The following SRFBP1 variants were observed in gnomAD, a reference collection of about 807,000 sequenced individuals.
The protein encoded by SRFBP1 is serum response factor-binding protein 1.
Under a neutral mutation model 45.5 loss-of-function variants are expected in SRFBP1, and 47 were observed. The ratio of observed to expected loss-of-function variants is 1.03; its 90% CI spans 0.82 to 1.32. SRFBP1 has a LOEUF of 1.32. Ranked by LOEUF, SRFBP1 falls within the 40% of genes most tolerant of loss-of-function variation. SRFBP1 has a pLI of 0.00. For missense variants in SRFBP1, 621 were observed against 484.6 expected, an observed-to-expected ratio of 1.28 and a Z score of -2.64; for synonymous variants, 203 against 166.3, an observed-to-expected ratio of 1.22 and a Z score of -1.70.
chr5:122,025,055 C>T (rs968292625), intron 7 of SRFBP1, among the ~76,000 whole-genome samples: 1 of 152,100 alleles, frequency 6.6e-6, no homozygotes, highest in African/African-American at 2.4e-5. Context: ...TGGTGTGCTG[C>T]ACCCATTAAC....
intron 1 of SRFBP1, among the ~76,000 whole-genome samples, chr5:121,969,013 A>G (rs986601880): frequency 6.6e-6 from 1 of 152,186 alleles, no homozygotes; most frequent in Non-Finnish European, 1.5e-5. Flanking sequence ...TGGTTGGCCA[A>G]CTATCACATA....
At chr5:122,054,848 A>G (rs1054335768) in intron 2 of SRFBP1, among the ~76,000 whole-genome samples, 2 of 152,172 alleles carry the variant, frequency 1.3e-5, no homozygotes, top group Non-Finnish European at 2.9e-5. Context: ...AATAGAACAC[A>G]CCTTTTCATT....
chr5:122,013,756 A>G (rs1753141323), intron 4 of SRFBP1, among the ~76,000 whole-genome samples: 1 of 152,164 alleles, frequency 6.6e-6, no homozygotes. Flanking sequence ...TCTGCATGGG[A>G]AAACTGCCTA....
chr5:121,995,517 G>A (rs992571274), intron 4 of SRFBP1, among the ~76,000 whole-genome samples: 1 of 152,076 alleles, frequency 6.6e-6, no homozygotes, highest in East Asian at 1.9e-4. Context: ...TCAAAGCAGT[G>A]TGTAGAGGGA....
At chr5:121,962,650 A>C (rs1286662924) in intron 1 of SRFBP1, among the ~76,000 whole-genome samples, 1 of 152,172 alleles carries the variant, frequency 6.6e-6, no homozygotes, top group Non-Finnish European at 1.5e-5. Context: ...CTGCTTTTTC[A>C]GTCCATTCTC....
chr5:122,075,634 A>C, downstream of SRFBP1: 1 of 797,636 alleles, frequency 1.3e-6, no homozygotes, highest in South Asian at 2.6e-5. Flanking sequence ...AGTAGTGACA[A>C]TCCTCCTTTC....
At chr5:122,032,564 A>G (rs1054152396), downstream of SRFBP1, among the ~76,000 whole-genome samples, 9 of 152,192 alleles carry the variant, frequency 5.9e-5, no homozygotes, top group African/African-American at 2.2e-4. Context: ...TTCATTTAAA[A>G]TATATCCTGG....
At chr5:121,989,361 C>G (rs999642700) in intron 3 of SRFBP1, among the ~76,000 whole-genome samples, 7 of 152,112 alleles carry the variant, frequency 4.6e-5, no homozygotes, top group Non-Finnish European at 1.0e-4. Flanking sequence ...CCACCGAGCC[C>G]TGCCTGGAAT....
chr5:122,011,084 A>G lies in SRFBP1; in HGVS notation c.271-8176A>G, dbSNP rs566225201. Among the ~76,000 whole-genome samples, 38 of 152,294 alleles carry G rather than the reference A, an allele frequency of 2.5e-4. 1 individual carries two copies. In the East Asian group the frequency reaches 5.8e-3, roughly 23 times the overall value. Reference sequence around the variant, plus strand: ...GGATTTATGTCATCAGATAAAATCTATAATTGAAATTAAGTCCATCTGATA... The same window carrying G: ...GGATTTATGTCATCAGATAAAATCTGTAATTGAAATTAAGTCCATCTGATA... On this transcript the variant is annotated intron_variant, in intron 4 of 7. Transcript: ENST00000339397.
At chr5:122,015,402 A>T (rs1401666463) in intron 4 of SRFBP1, among the ~76,000 whole-genome samples, 2 of 152,156 alleles carry the variant, frequency 1.3e-5, no homozygotes, top group African/African-American at 4.8e-5. Context: ...CCTACTACAC[A>T]GTTTTTTCTT....
At position 122,027,326 on chromosome 5, in the gene SRFBP1, C is replaced by A; in HGVS notation, c.*200C>A. Reference sequence around the variant, plus strand: ...CAGGTGCATGCACTACCATGCCCAGCTTTCTCACCCCAGGCTCTGCAGCTA... The same window carrying A: ...CAGGTGCATGCACTACCATGCCCAGATTTCTCACCCCAGGCTCTGCAGCTA... On this transcript the variant is annotated 3_prime_UTR_variant, in exon 8 of 8. Transcript: ENST00000339397. The A allele has an allele frequency of 2.6e-6, 1 of 381,350 alleles. No homozygotes were observed. Among genetic ancestry groups the A allele is most frequent in the Non-Finnish European group, 4.7e-6 (1 of 212,340 alleles). 23.6% of individuals were successfully genotyped at this position (381,350 alleles called of 1,614,324 possible).
chr5:122,076,187 G>A (rs1049120855), downstream of SRFBP1: 2 of 152,208 alleles, frequency 1.3e-5, no homozygotes, highest in African/African-American at 4.8e-5. Context: ...CAAAGTGGAA[G>A]AAATGTACAA....
chr5:121,979,159 A>G (rs1409126645), intron 3 of SRFBP1, among the ~76,000 whole-genome samples: 1 of 152,240 alleles, frequency 6.6e-6, no homozygotes, highest in African/African-American at 2.4e-5. Context: ...TCAAAATAAT[A>G]TAATAACTAT....
rs1352260093 is a variant in SRFBP1 at position 121,961,977 on chromosome 5, G to A, written c.-56G>A. The A allele has an allele frequency of 1.2e-6, 2 of 1,611,910 alleles. No individual in the cohort carries two copies. The highest frequency in any genetic ancestry group is 2.2e-5 in the East Asian group (1 of 44,832). ...TTGAGGGGCGTGGCGACGCAGCCGC[G>A]GTCTGAGAGACCGGTTCACGTGCAG... On this transcript the variant is annotated 5_prime_UTR_variant, in exon 1 of 8. Transcript: ENST00000339397.
intron 3 of SRFBP1, among the ~76,000 whole-genome samples, chr5:121,975,788 A>G (rs796783813): frequency 2.0e-5 from 3 of 152,088 alleles, no homozygotes; most frequent in Admixed American, 6.6e-5. Flanking sequence ...TGCCAGCTCA[A>G]TAAATTTTTA....
intron 2 of SRFBP1, among the ~76,000 whole-genome samples, chr5:122,055,070 C>T (rs1754056672): frequency 6.6e-6 from 1 of 152,166 alleles, no homozygotes; most frequent in Admixed American, 6.5e-5. Context: ...TATCAAAATA[C>T]CATAGACTGA....
chr5:122,015,857 G>C (rs928041249), intron 4 of SRFBP1, among the ~76,000 whole-genome samples: 1 of 152,140 alleles, frequency 6.6e-6, no homozygotes. Context: ...TTAACTTTAT[G>C]TTGTGGTAGG....
At chr5:121,985,133 G>T (rs1752485458) in intron 3 of SRFBP1, among the ~76,000 whole-genome samples, 1 of 151,760 alleles carries the variant, frequency 6.6e-6, no homozygotes, top group African/African-American at 2.4e-5. Flanking sequence ...AGTCTAATGA[G>T]AAAAATGGAG....
chr5:121,998,214 A>G (rs1296191988), intron 4 of SRFBP1, among the ~76,000 whole-genome samples: 2 of 152,028 alleles, frequency 1.3e-5, no homozygotes, highest in Non-Finnish European at 2.9e-5. Context: ...ACACATGCAC[A>G]CGTATGTTTA....
Sources: allele counts gnomAD v4.1 joint callset (sites outside exome capture counted in the v4.1 genomes callset), GRCh38; gene constraint gnomAD v4.1.1; transcripts MANE v1.5; gene names NCBI Gene and HGNC (gene_info 2026-07-23, HGNC 2026-07-21).